Variants in FBN1 observed in about 807,000 individuals in gnomAD.
FBN1 encodes fibrillin 1.
Under a neutral mutation model 365.1 loss-of-function variants are expected in FBN1, and 29 were observed. The observed-to-expected ratio is 0.08, with a 90% CI of 0.06 to 0.11. The LOEUF (loss-of-function observed/expected upper bound fraction) is 0.11. Among genes scored for constraint, FBN1 ranks in the 10% least tolerant of loss-of-function variants. The pLI is 1.00. For synonymous variants in FBN1, 1,210 were observed against 1,270.5 expected, an observed-to-expected ratio of 0.95 and a Z score of 1.01; for missense variants, 2,476 against 3,703.2, an observed-to-expected ratio of 0.67 and a Z score of 8.60.
rs188289410 is a variant in FBN1, at chr15:48,640,547, C to A, written c.164+4059G>T. Among the ~76,000 whole-genome samples the A allele has an allele frequency of 2.7e-4, 41 of 152,292 alleles. No individual in the cohort carries two copies. The East Asian group carries it at 7.9e-3, about 29-fold the overall frequency. On this transcript the variant is annotated intron_variant, in intron 2 of 65. Coordinates refer to ENST00000316623, the MANE Select transcript of FBN1 (RefSeq NM_000138.5). ...AATAACAGACTTCTACATAACTAAT[C>A]CCTTGGAGTTTGCCATCACATAATC...
rs374670384 is a variant in FBN1 at position 48,489,981 on chromosome 15, G to A, written c.2952C>T (p.Val984=). 1.7e-5 allele frequency: 27 copies of A among 1,613,936 alleles called. No homozygotes were observed. Among genetic ancestry groups the A allele is most frequent in the East Asian group, 4.5e-5 (2 of 44,872 alleles). ...RHRMDACCCS[V]GAAWGTEECE... ...ATTCCTCAGTACCCCAGGCTGCCCC[G>A]ACGGAGCAGCAGCAGGCGTCCATGC... Residue 984 remains valine, a synonymous_variant, in exon 25 of 66, where the codon GTC becomes GTT. Coordinates refer to ENST00000316623, the MANE Select transcript of FBN1 (RefSeq NM_000138.5).
rs955859704 is a variant in FBN1, at chr15:48,490,118, G to A, written c.2855-40C>T. On this transcript the variant is annotated intron_variant, in intron 24 of 65. Coordinates refer to ENST00000316623, the MANE Select transcript of FBN1 (RefSeq NM_000138.5). ...CAAGGGAGGTTAAATAGAGCCACACGGCTTCCACTGCCCCAAACTGCCAAC... is the reference window on the plus strand; with the variant it reads ...CAAGGGAGGTTAAATAGAGCCACACAGCTTCCACTGCCCCAAACTGCCAAC... The A allele has an allele frequency of 7.1e-6, 11 of 1,554,438 alleles. No homozygotes were observed. In the East Asian group the frequency reaches 1.1e-4, roughly 16 times the overall value.
chr15:48,539,136 C>T (rs2044036585), intron 6 of FBN1, among the ~76,000 whole-genome samples: 2 of 152,152 alleles, frequency 1.3e-5, no homozygotes, highest in Non-Finnish European at 2.9e-5. Context: ...CTTTCTTTTT[C>T]TTGCATCTCC....
At chr15:48,487,027 AAATAAAG>A in intron 29 of FBN1, 41 bp downstream of exon 29, 1 of 1,290,262 alleles carries the variant, frequency 7.8e-7, no homozygotes, top group Admixed American at 3.1e-5. Flanking sequence ...ACATAACATA[AAATAAAG>A]TAAAATAAAA....
At chr15:48,468,663 G>A (rs1411780110) in intron 36 of FBN1, 129 bp from the exon 37 acceptor site, 1 of 880,688 alleles carries the variant, frequency 1.1e-6, no homozygotes. Context: ...ACTACATCTA[G>A]AAATGCAGTC....
intron 10 of FBN1, 143 bp downstream of exon 10, chr15:48,520,516 A>G: frequency 1.0e-6 from 1 of 956,184 alleles, no homozygotes; most frequent in African/African-American, 1.7e-5. Flanking sequence ...TTTTCTAGGG[A>G]AATTTCCCTG....
intron 64 of FBN1, among the ~76,000 whole-genome samples, chr15:48,413,994 C>A (rs111691957): frequency 6.1e-4 from 93 of 152,156 alleles, no homozygotes; most frequent in African/African-American, 2.1e-3. Flanking sequence ...TGGGTGTGTG[C>A]GCATGCGTAT....
Position 48,537,726 on chromosome 15 carries a change from C to T in FBN1, c.621G>A (p.Thr207=), listed in dbSNP as rs765173237. The T allele has an allele frequency of 3.1e-6, 5 of 1,614,088 alleles. No homozygotes were observed. In the East Asian group the frequency reaches 8.9e-5, roughly 29 times the overall value. ...GQLSGIVCTK[T]LCCATVGRAW... is the part of the protein sequence containing the mutation. The stretch of plus-strand genomic sequence containing the variant: ...CTCGGCCGACTGTGGCACAGCAGAG[C>T]GTTTTTGTGCAGACAATCCCGCTGA... Residue 207 remains threonine, a synonymous_variant, in exon 7 of 66, where the codon ACG becomes ACA. Coordinates refer to ENST00000316623, the MANE Select transcript of FBN1 (RefSeq NM_000138.5).
Position 48,485,480 on chromosome 15 carries a change from G to A in FBN1, c.3606C>T (p.Ser1202=), listed in dbSNP as rs750517637. 4 of 1,614,024 alleles carry A rather than the reference G, an allele frequency of 2.5e-6. No individual in the cohort carries two copies. The East Asian group carries it at 8.9e-5, about 36-fold the overall frequency. The change falls in exon 30 of 66, where the codon AGC becomes AGT. Residue 1202 remains serine (S), a synonymous_variant. Coordinates refer to ENST00000316623, the MANE Select transcript of FBN1 (RefSeq NM_000138.5). ...RLFCVDIDEC[S]IMNGGCETFC... ...AGGTTTCACAACCACCATTCATTAT[G>A]CTGCATTCATCAATGTCTAAAAGAA...
chr15:48,470,599 C>T (rs775928937), intron 36 of FBN1, 35 bp downstream of exon 36: 1 of 1,613,280 alleles, frequency 6.2e-7, no homozygotes, highest in Admixed American at 1.7e-5. Context: ...CCCGGGACAC[C>T]AGGGAGCTGA....
intron 5 of FBN1, among the ~76,000 whole-genome samples, chr15:48,598,759 A>G (rs753147323): frequency 6.6e-6 from 1 of 152,194 alleles, no homozygotes; most frequent in Non-Finnish European, 1.5e-5. Context: ...GCTGGGCTAC[A>G]CAAAACTCAA....
intron 15 of FBN1, among the ~76,000 whole-genome samples, chr15:48,505,744 C>G (rs1224249524): frequency 6.6e-6 from 1 of 152,152 alleles, no homozygotes; most frequent in Admixed American, 6.5e-5. Flanking sequence ...TGGAACCCAG[C>G]AAAGAAAAAT....
intron 44 of FBN1, among the ~76,000 whole-genome samples, chr15:48,453,955 T>C (rs1304364022): frequency 3.3e-5 from 5 of 152,146 alleles, no homozygotes; most frequent in African/African-American, 1.2e-4. Flanking sequence ...GATGCTCACA[T>C]CTAAAAAAAA....
chr15:48,608,842 CTCTGG>C (rs1566937341), intron 4 of FBN1, among the ~76,000 whole-genome samples: 1 of 152,216 alleles, frequency 6.6e-6, no homozygotes, highest in Non-Finnish European at 1.5e-5. Context: ...TGGCTTTTCC[CTCTGG>C]TCTTGTTAAC....
In FBN1 at chr15:48,470,729, A is replaced by C. The variant is rs397515807; in HGVS notation, c.4364T>G (p.Ile1455Ser). 5 of 1,614,056 alleles carry C rather than the reference A, an allele frequency of 3.1e-6. No individual in the cohort carries two copies. Among genetic ancestry groups the C allele is most frequent in the Admixed American group, 1.7e-5 (1 of 60,010 alleles). ...EDIDECSLPN[I>S]CVFGTCHNLP... ...GTTGTGGCAAGTTCCAAAGACACAG[A>C]TGTTCGGAAGGGAGCACTCATCAAT... is the stretch of plus-strand genomic sequence containing the variant. Residue 1455 changes from isoleucine (I) to serine (S), a missense_variant, in exon 36 of 66, where the codon ATC (isoleucine) becomes AGC (serine). By Grantham distance (142) the Ile-to-Ser change is moderately radical. Transcript: ENST00000316623.
intron 34 of FBN1, among the ~76,000 whole-genome samples, chr15:48,473,176 C>T (rs192359220): frequency 1.3e-5 from 2 of 152,168 alleles, no homozygotes; most frequent in Admixed American, 1.3e-4. Context: ...AATATGTTCT[C>T]AAAATGATGG....
intron 10 of FBN1, among the ~76,000 whole-genome samples, chr15:48,518,861 T>G (rs2043827713): frequency 6.6e-6 from 1 of 152,224 alleles, no homozygotes; most frequent in South Asian, 2.1e-4. Context: ...AAAACCTACC[T>G]GCAAGTTATT....
intron 2 of FBN1, among the ~76,000 whole-genome samples, chr15:48,621,693 A>G (rs1242161713): frequency 1.3e-5 from 2 of 152,330 alleles, no homozygotes; most frequent in East Asian, 3.9e-4. Context: ...ACTACATATC[A>G]ATATTGGTTC....
chr15:48,417,184 C>T (rs192093556), intron 63 of FBN1, among the ~76,000 whole-genome samples: 67 of 152,280 alleles, frequency 4.4e-4, no homozygotes, highest in African/African-American at 1.6e-3. Flanking sequence ...AATTAGTTTA[C>T]CTTCTTTGCT....
Sources: allele counts gnomAD v4.1 joint callset (sites outside exome capture counted in the v4.1 genomes callset), GRCh38; gene constraint gnomAD v4.1.1; transcripts MANE v1.5; gene names NCBI Gene and HGNC (gene_info 2026-07-23, HGNC 2026-07-21).